COL4A3: variants seen among roughly 807,000 people sequenced by gnomAD.
COL4A3 encodes the protein collagen alpha-3(IV) chain.
Under a neutral mutation model 217.4 loss-of-function variants are expected in COL4A3, and 135 were observed. That is an observed-to-expected ratio of 0.62 (90% CI 0.54 to 0.72). The LOEUF is 0.72. Ranked by LOEUF, COL4A3 falls within the 30% of genes least tolerant of loss-of-function variation. COL4A3 has a pLI of 0.00. For missense variants in COL4A3, 1,868 were observed against 2,119.9 expected (o/e 0.88, Z 2.33); for synonymous variants, 690 against 736.3 (o/e 0.94, Z 1.02).
chr2:227,235,218 C>T (rs2068625515), intron 1 of COL4A3, among the ~76,000 whole-genome samples: 4 of 152,078 alleles, frequency 2.6e-5, no homozygotes, highest in Middle Eastern at 3.4e-3. Context: ...GAGATGCTGC[C>T]GTCTGGGAAT....
At chr2:227,208,574 C>T (rs550264874) in intron 1 of COL4A3, among the ~76,000 whole-genome samples, 13 of 152,260 alleles carry the variant, frequency 8.5e-5, no homozygotes, top group Admixed American at 8.5e-4. Flanking sequence ...TCCCAAGCCC[C>T]TACCCGCCAA....
intron 1 of COL4A3, among the ~76,000 whole-genome samples, chr2:227,233,832 C>T (rs1423922380): frequency 2.6e-5 from 4 of 152,072 alleles, no homozygotes; most frequent in Non-Finnish European, 4.4e-5. Context: ...AGCACCCAGG[C>T]GGGTCCTATG....
Position 227,289,240 on chromosome 2 carries a change from G to A in COL4A3, c.2972G>A (p.Gly991Glu). ...KGLKGLPGPA[G>E]PPGPRGDLGS... is the part of the protein sequence containing the mutation. Reference sequence around the variant, plus strand: ...CTCAAAGGACTACCCGGACCAGCAGGACCACCAGGTACAGCTGATTCTCAA... The same window carrying A: ...CTCAAAGGACTACCCGGACCAGCAGAACCACCAGGTACAGCTGATTCTCAA... Residue 991 changes from glycine (G) to glutamate (E), a missense_variant, in exon 35 of 52, where the codon GGA becomes GAA. By Grantham distance (98) the Gly-to-Glu change is moderately conservative. Coordinates refer to ENST00000396578, the MANE Select transcript of COL4A3 (RefSeq NM_000091.5). The A allele has an allele frequency of 1.2e-6, 2 of 1,612,240 alleles. No homozygotes were observed. Among genetic ancestry groups the A allele is most frequent in the Non-Finnish European group, 8.5e-7 (1 of 1,178,574 alleles).
intron 15 of COL4A3, 70 bp from the exon 16 acceptor site, chr2:227,255,956 T>C: frequency 6.7e-7 from 1 of 1,489,368 alleles, no homozygotes; most frequent in Non-Finnish European, 9.3e-7. Context: ...TCATATCACT[T>C]AAGATTTCCG....
At position 227,310,967 on chromosome 2, in the gene COL4A3, G is replaced by T. The variant is rs762754662; in HGVS notation, c.4928+19G>T. 6.2e-7 allele frequency: 1 copy of T among 1,612,244 alleles called. No homozygotes were observed. The highest frequency in any genetic ancestry group is 1.1e-5 in the South Asian group (1 of 91,002). Reference sequence around the variant, plus strand: ...TGTTCAGGTAACTATTCACCATCAAGCTTAATCTGATGACTCAATTGCAGA... The same window carrying T: ...TGTTCAGGTAACTATTCACCATCAATCTTAATCTGATGACTCAATTGCAGA... On this transcript the variant is annotated intron_variant, in intron 51 of 51. Transcript: ENST00000396578.
intron 36 of COL4A3, 107 bp downstream of exon 36, chr2:227,290,195 A>T: frequency 9.0e-7 from 1 of 1,109,382 alleles, no homozygotes; most frequent in Non-Finnish European, 1.4e-6. Flanking sequence ...GAAAGCTTAT[A>T]TTAAAAAACT....
At chr2:227,226,958 CACA>C (rs768579243) in intron 1 of COL4A3, among the ~76,000 whole-genome samples, 7 of 152,158 alleles carry the variant, frequency 4.6e-5, no homozygotes, top group East Asian at 1.9e-4. Context: ...AATAAATATC[CACA>C]ACATTTGTAT....
intron 1 of COL4A3, among the ~76,000 whole-genome samples, chr2:227,176,735 C>T (rs570507027): frequency 1.3e-5 from 2 of 152,140 alleles, no homozygotes; most frequent in East Asian, 1.9e-4. Flanking sequence ...ATGAACTTCT[C>T]AAGGAAAAAA....
chr2:227,256,268 C>A, intron 16 of COL4A3, 75 bp from the exon 17 acceptor site: 3 of 1,387,228 alleles, frequency 2.2e-6, no homozygotes, highest in Non-Finnish European at 3.1e-6. Flanking sequence ...CAGAGGAGTT[C>A]AAATTGCACC....
intron 26 of COL4A3, among the ~76,000 whole-genome samples, chr2:227,274,490 T>G (rs1483698196): frequency 6.6e-6 from 1 of 151,796 alleles, no homozygotes; most frequent in Non-Finnish European, 1.5e-5. Flanking sequence ...GCACCTTACT[T>G]TGGAGCTGCT....
intron 1 of COL4A3, among the ~76,000 whole-genome samples, chr2:227,218,080 C>CTATATA (rs10606625): frequency 0.053 from 6,212 of 118,230 alleles, 190 homozygotes; most frequent in Admixed American, 0.076. Context: ...ATATATATAG[C>CTATATA]TATATATATA....
At chr2:227,197,822 GT>G (rs1273079624) in intron 1 of COL4A3, among the ~76,000 whole-genome samples, 3 of 152,294 alleles carry the variant, frequency 2.0e-5, no homozygotes, top group Non-Finnish European at 4.4e-5. Flanking sequence ...CCTCCATGAG[GT>G]AGGTTACAAC....
In COL4A3 at chr2:227,282,941, G is replaced by A. The variant is rs1351872059; in HGVS notation, c.2656+409G>A. ...TGTATTTTCTGGAACAGTTTGTGAA[G>A]AATCGACGCTCTTTAAACATTTGGT... On this transcript the variant is annotated intron_variant, in intron 32 of 51. Coordinates refer to ENST00000396578, the MANE Select transcript of COL4A3 (RefSeq NM_000091.5). This position sits in a 1 kb window ranked among gnomAD's most constrained non-coding sequence, Gnocchi z 4.4. Among the ~76,000 whole-genome samples, 2 of 152,050 alleles carry A rather than the reference G, an allele frequency of 1.3e-5. No homozygotes were observed. Among genetic ancestry groups the A allele is most frequent in the African/African-American group, 2.4e-5 (1 of 41,388 alleles).
intron 1 of COL4A3, among the ~76,000 whole-genome samples, chr2:227,177,311 G>A (rs1198027009): frequency 6.7e-6 from 1 of 149,998 alleles, no homozygotes; most frequent in African/African-American, 2.5e-5. Flanking sequence ...CACCACTCCC[G>A]GCTAATTTTT....
At chr2:227,272,600 A>G (rs188411234) in intron 25 of COL4A3, among the ~76,000 whole-genome samples, 96 of 152,388 alleles carry the variant, frequency 6.3e-4, no homozygotes, top group African/African-American at 2.2e-3. Context: ...ATTTTATTTC[A>G]GAAATGTAAC....
intron 1 of COL4A3, among the ~76,000 whole-genome samples, chr2:227,193,773 GAA>G (rs1559809958): frequency 1.9e-5 from 1 of 52,488 alleles, no homozygotes; most frequent in Non-Finnish European, 3.9e-5. Flanking sequence ...AGGAAGGAAG[GAA>G]GGAAGGAAGG....
At chr2:227,194,602 T>C (rs547039685) in intron 1 of COL4A3, among the ~76,000 whole-genome samples, 1 of 131,112 alleles carries the variant, frequency 7.6e-6, no homozygotes, top group African/African-American at 2.8e-5. Context: ...TTATCTGGCA[T>C]TGCTGTGAGC....
intron 37 of COL4A3, 52 bp downstream of exon 37, chr2:227,290,938 A>C: frequency 6.4e-7 from 1 of 1,572,152 alleles, no homozygotes; most frequent in Middle Eastern, 1.8e-4. Context: ...GAGTGCCTTG[A>C]AAAATATCAA....
intron 44 of COL4A3, 51 bp downstream of exon 44, chr2:227,303,161 C>T: frequency 6.7e-7 from 1 of 1,484,478 alleles, no homozygotes; most frequent in Non-Finnish European, 9.4e-7. Context: ...AACCTCAATT[C>T]ATATTTTAGG....
Sources: allele counts gnomAD v4.1 joint callset (sites outside exome capture counted in the v4.1 genomes callset), GRCh38; gene constraint gnomAD v4.1.1; non-coding constraint Gnocchi (gnomAD v3.1); transcripts MANE v1.5; gene names NCBI Gene and HGNC (gene_info 2026-07-23, HGNC 2026-07-21).